RAD51B: variants seen among roughly 807,000 people sequenced by gnomAD.
The protein encoded by RAD51B is RAD51 paralog B, also known as DNA repair protein RAD51 homolog 2.
Under a neutral mutation model 42.2 loss-of-function variants are expected in RAD51B, and 38 were observed. That is an observed-to-expected ratio of 0.90 (90% CI 0.70 to 1.18). RAD51B has a LOEUF of 1.18. RAD51B is among the 50% of genes most tolerant of loss of function. The pLI, the probability that RAD51B is intolerant of heterozygous loss-of-function variation, is 0.00. For missense variants in RAD51B, 373 were observed against 400.7 expected (o/e 0.93, Z 0.59); for synonymous variants, 154 against 145.2 (o/e 1.06, Z -0.43).
intron 9 of RAD51B, among the ~76,000 whole-genome samples, chr14:68,438,743 G>A (rs1279481496): frequency 6.6e-6 from 1 of 152,120 alleles, no homozygotes; most frequent in Non-Finnish European, 1.5e-5. Context: ...GTTAAGAGAC[G>A]CCTTCTGCAG....
chr14:68,087,902 AT>A (rs1156646019), intron 7 of RAD51B, among the ~76,000 whole-genome samples: 1 of 126,106 alleles, frequency 7.9e-6, no homozygotes, highest in African/African-American at 3.1e-5. Context: ...TATATTATTT[AT>A]ATAATTATAT....
chr14:67,968,386 T>C (rs1346151370), intron 7 of RAD51B, among the ~76,000 whole-genome samples: 2 of 152,230 alleles, frequency 1.3e-5, no homozygotes, highest in Non-Finnish European at 2.9e-5. Context: ...GTTTTTCTTT[T>C]CTACTGCATC....
intron 7 of RAD51B, among the ~76,000 whole-genome samples, chr14:68,130,578 C>G (rs1037567620): frequency 6.6e-6 from 1 of 152,168 alleles, no homozygotes; most frequent in African/African-American, 2.4e-5. Flanking sequence ...AATTAAAGAT[C>G]TCAGAAATTC....
At chr14:68,075,096 T>C (rs2140476271) in intron 7 of RAD51B, among the ~76,000 whole-genome samples, 1 of 152,320 alleles carries the variant, frequency 6.6e-6, no homozygotes. Context: ...CACTTGTTTC[T>C]TGAGGCTCCA....
chr14:68,410,019 T>C (rs1408506866), intron 8 of RAD51B, among the ~76,000 whole-genome samples: 1 of 152,138 alleles, frequency 6.6e-6, no homozygotes, highest in Non-Finnish European at 1.5e-5. Flanking sequence ...AGGAAATAGA[T>C]ATATATGGTT....
At chr14:68,211,719 G>A (rs1278595186) in intron 7 of RAD51B, among the ~76,000 whole-genome samples, 1 of 152,228 alleles carries the variant, frequency 6.6e-6, no homozygotes, top group Non-Finnish European at 1.5e-5. Flanking sequence ...CTAGACGTAA[G>A]TAATGCACCA....
At chr14:67,864,787 G>A (rs1258233706) in intron 4 of RAD51B, 2 of 759,280 alleles carry the variant, frequency 2.6e-6, no homozygotes, top group East Asian at 3.2e-5. Flanking sequence ...ATTCCTCCAA[G>A]GATGGTACAT....
chr14:67,821,198 T>C (rs1015726110), intron 1 of RAD51B, among the ~76,000 whole-genome samples: 1 of 152,196 alleles, frequency 6.6e-6, no homozygotes, highest in Non-Finnish European at 1.5e-5. Context: ...GCTGTAGTTA[T>C]TTGTGTGTAC....
intron 7 of RAD51B, among the ~76,000 whole-genome samples, chr14:67,915,708 A>G (rs966176651): frequency 5.3e-5 from 8 of 152,220 alleles, no homozygotes; most frequent in Non-Finnish European, 1.0e-4. Context: ...ATAAGATTGT[A>G]TATCAAATTA....
intron 7 of RAD51B, among the ~76,000 whole-genome samples, chr14:68,074,978 G>T (rs552296516): frequency 3.9e-5 from 6 of 152,352 alleles, no homozygotes; most frequent in Admixed American, 1.3e-4. Context: ...GCTGGCTGCA[G>T]ATCTGTTTGG....
At chr14:68,483,390 G>C (rs1883354823) in intron 10 of RAD51B, among the ~76,000 whole-genome samples, 1 of 152,182 alleles carries the variant, frequency 6.6e-6, no homozygotes, top group African/African-American at 2.4e-5. Context: ...TTAGTCCACA[G>C]GTGACCTTTT....
chr14:68,410,947 G>A (rs1385513108), intron 8 of RAD51B, among the ~76,000 whole-genome samples: 1 of 151,734 alleles, frequency 6.6e-6, no homozygotes, highest in Non-Finnish European at 1.5e-5. Context: ...TATACGGGGG[G>A]GTGGGAGGAC....
At chr14:68,597,000 GA>G (rs1187120474), downstream of RAD51B, among the ~76,000 whole-genome samples, 1 of 152,184 alleles carries the variant, frequency 6.6e-6, no homozygotes, top group African/African-American at 2.4e-5. Context: ...CTTGTCCTTA[GA>G]AAATTCGTTC....
chr14:68,587,485 T>G (rs1890543974), intron 10 of RAD51B, among the ~76,000 whole-genome samples: 1 of 152,132 alleles, frequency 6.6e-6, no homozygotes, highest in Non-Finnish European at 1.5e-5. Context: ...CCCCTTGCTT[T>G]CTTGCTTGCT....
rs1888009288 is a variant in RAD51B at position 68,542,305 on chromosome 14, A to G, written c.1037-52180A>G. Among the ~76,000 whole-genome samples, 3 of 152,182 alleles carry G rather than the reference A, an allele frequency of 2.0e-5. No individual in the cohort carries two copies. The South Asian group carries it at 6.2e-4, about 32-fold the overall frequency. On this transcript the variant is annotated intron_variant, in intron 10 of 10. Coordinates refer to the RAD51B transcript ENST00000487270. ...ATTTGGTCATTGTCTTCACTTTGTAATATGGCCGAAGAAAACTTGTTCTAA... is the reference window on the plus strand; with the variant it reads ...ATTTGGTCATTGTCTTCACTTTGTAGTATGGCCGAAGAAAACTTGTTCTAA...
intron 7 of RAD51B, among the ~76,000 whole-genome samples, chr14:67,935,795 T>C (rs2044919752): frequency 6.6e-6 from 1 of 152,186 alleles, no homozygotes; most frequent in South Asian, 2.1e-4. Flanking sequence ...CTTCAGGATC[T>C]AGGGCCTGCC....
At chr14:68,173,711 G>T (rs532844614) in intron 7 of RAD51B, among the ~76,000 whole-genome samples, 1 of 152,242 alleles carries the variant, frequency 6.6e-6, no homozygotes, top group African/African-American at 2.4e-5. Context: ...AGACTATTAG[G>T]GAGTACCCAT....
intron 4 of RAD51B, among the ~76,000 whole-genome samples, chr14:67,849,006 T>A (rs945063003): frequency 6.6e-6 from 1 of 152,232 alleles, no homozygotes; most frequent in African/African-American, 2.4e-5. Flanking sequence ...TCTTGCTTCC[T>A]TCAAGACTTT....
intron 10 of RAD51B, among the ~76,000 whole-genome samples, chr14:68,504,196 G>C (rs1052981499): frequency 1.3e-5 from 2 of 152,116 alleles, no homozygotes; most frequent in African/African-American, 2.4e-5. Flanking sequence ...CTCCAGGCCA[G>C]CATCCCATGC....
Sources: gnomAD v4.1 joint callset for allele counts (sites outside exome capture counted in the v4.1 genomes callset) on GRCh38, gnomAD v4.1.1 for gene constraint, MANE v1.5 for transcripts, NCBI Gene and HGNC (gene_info 2026-07-23, HGNC 2026-07-21) for gene names.